Variants in PLCZ1 observed in about 807,000 individuals in gnomAD.
PLCZ1 encodes phospholipase C zeta 1, also known as 1-phosphatidylinositol 4,5-bisphosphate phosphodiesterase zeta-1.
In PLCZ1, 64 loss-of-function variants were observed where a neutral mutation model predicts 76.8. That is an observed-to-expected ratio of 0.83 (90% CI 0.68 to 1.03). The LOEUF is 1.03. Among genes scored for constraint, PLCZ1 ranks in the 50% least tolerant of loss-of-function variants. The pLI, the probability that PLCZ1 is intolerant of heterozygous loss-of-function variation, is 0.00. For synonymous variants in PLCZ1, 248 were observed against 230.8 expected, an observed-to-expected ratio of 1.07 and a Z score of -0.68; for missense variants, 751 against 713.7, an observed-to-expected ratio of 1.05 and a Z score of -0.60.
intron 3 of PLCZ1, among the ~76,000 whole-genome samples, chr12:18,724,559 G>A (rs1292432681): frequency 6.6e-6 from 1 of 152,000 alleles, no homozygotes; most frequent in Non-Finnish European, 1.5e-5. Context: ...TGGGATCTGT[G>A]GTTGTCAAAT....
At chr12:18,650,340 T>TAC in the PLCZ1 span, among the ~76,000 whole-genome samples, 11 of 132,948 alleles carry the variant, frequency 8.3e-5, no homozygotes, top group Middle Eastern at 3.7e-3. Flanking sequence ...TCTATATATA[T>TAC]ATATATATGT....
the PLCZ1 span, among the ~76,000 whole-genome samples, chr12:18,672,772 G>A: frequency 6.6e-5 from 10 of 152,212 alleles, no homozygotes; most frequent in South Asian, 2.1e-3. Context: ...TCAACCTCCT[G>A]GTAGGCTGCT....
At chr12:18,705,437 A>T in intron 6 of PLCZ1, 122 bp from the exon 7 acceptor site, 1 of 1,258,628 alleles carries the variant, frequency 7.9e-7, no homozygotes, top group Non-Finnish European at 1.1e-6. Context: ...TTGCAAAATA[A>T]CTATTCTTTA....
At chr12:18,718,960 T>C (rs939695529) in intron 5 of PLCZ1, among the ~76,000 whole-genome samples, 2 of 152,190 alleles carry the variant, frequency 1.3e-5, no homozygotes, top group Non-Finnish European at 2.9e-5. Context: ...CTCTTTAACA[T>C]ACAAGTCTAT....
At chr12:18,706,087 G>T (rs1956575932) in intron 6 of PLCZ1, among the ~76,000 whole-genome samples, 1 of 151,878 alleles carries the variant, frequency 6.6e-6, no homozygotes, top group African/African-American at 2.4e-5. Context: ...AAGAAAATTA[G>T]CTAGGCGTGG....
In PLCZ1 at chr12:18,701,672, T is replaced by C. The variant is rs776116579; in HGVS notation, c.949+20A>G. The C allele has an allele frequency of 6.2e-7, 1 of 1,606,884 alleles. No homozygotes were observed. The highest frequency in any genetic ancestry group is 2.3e-5 in the East Asian group (1 of 44,246). ...CCTCCTCTCCATCTGCCACTTCTTC[T>C]TCCCATTCCTCCACCTTACCACGCT... On this transcript the variant is annotated intron_variant, in intron 8 of 14. Coordinates refer to ENST00000266505, the MANE Select transcript of PLCZ1 (RefSeq NM_033123.4).
At chr12:18,684,484 A>G (rs1398982879) in intron 13 of PLCZ1, among the ~76,000 whole-genome samples, 1 of 152,042 alleles carries the variant, frequency 6.6e-6, no homozygotes, top group Non-Finnish European at 1.5e-5. Flanking sequence ...GCAATGTTCT[A>G]AGAATGGATC....
chr12:18,654,729 A>T, the PLCZ1 span, among the ~76,000 whole-genome samples: 9 of 152,214 alleles, frequency 5.9e-5, no homozygotes, highest in Non-Finnish European at 8.8e-5. Context: ...TGATAAGATT[A>T]TCTTTTACAT....
At chr12:18,717,139 G>C in intron 5 of PLCZ1, among the ~76,000 whole-genome samples, 1 of 152,070 alleles carries the variant, frequency 6.6e-6, no homozygotes, top group East Asian at 1.9e-4. Context: ...TTAAATTTAA[G>C]TGTAAATTTG....
intron 3 of PLCZ1, among the ~76,000 whole-genome samples, chr12:18,727,332 A>C (rs572767196): frequency 6.6e-6 from 1 of 152,298 alleles, no homozygotes; most frequent in African/African-American, 2.4e-5. Flanking sequence ...TGGGTGACAG[A>C]GCAAGACCTT....
chr12:18,737,249 T>G lies in PLCZ1; in HGVS notation c.11+112A>C, dbSNP rs562038062. 7 of 1,188,122 alleles carry G rather than the reference T, an allele frequency of 5.9e-6. No individual in the cohort carries two copies. In the East Asian group the frequency reaches 1.4e-4, roughly 24 times the overall value. 73.6% of individuals were successfully genotyped at this position (1,188,122 alleles called of 1,614,324 possible). On this transcript the variant is annotated intron_variant, in intron 2 of 14. Coordinates refer to ENST00000266505, the MANE Select transcript of PLCZ1 (RefSeq NM_033123.4). ...AACAAACAGGGAAAAGCAGTTCAAC[T>G]TAAATGAAGAGGACTTAAATTCAGA...
In PLCZ1 at chr12:18,684,167, AAGAAATTCATTTCCTG is replaced by A; in HGVS notation, c.1688_1703del (p.Ala563ValfsTer11). 6.2e-7 allele frequency: 1 copy of A among 1,612,162 alleles called. No homozygotes were observed. Among genetic ancestry groups the A allele is most frequent in the South Asian group, 1.1e-5 (1 of 91,056 alleles). ...ATAGAAGTGGCAAAGTATATTGCCC[AAGAAATTCATTTCCTG>A]CTATTAAACCTTGACCTTCAACAAC... is the stretch of plus-strand genomic sequence containing the variant. On this transcript the variant is annotated frameshift_variant, in exon 14 of 15. Coordinates refer to ENST00000266505, the MANE Select transcript of PLCZ1 (RefSeq NM_033123.4). LOFTEE classifies it high-confidence loss of function.
intron 3 of PLCZ1, among the ~76,000 whole-genome samples, chr12:18,732,397 C>T (rs1195482797): frequency 1.3e-5 from 2 of 152,132 alleles, no homozygotes; most frequent in African/African-American, 4.8e-5. Flanking sequence ...GGCGATCTGC[C>T]CAACTCAGCT....
chr12:18,737,613 C>T, intron 1 of PLCZ1, 104 bp from the exon 2 acceptor site: 3 of 617,530 alleles, frequency 4.9e-6, no homozygotes, highest in Non-Finnish European at 5.8e-6. Context: ...GGTACCTGCA[C>T]TACCCTGCCC....
At chr12:18,726,142 C>T (rs1418948355) in intron 3 of PLCZ1, among the ~76,000 whole-genome samples, 1 of 152,032 alleles carries the variant, frequency 6.6e-6, no homozygotes, top group Non-Finnish European at 1.5e-5. Context: ...ACAATAATTA[C>T]ATAAAGGAAT....
chr12:18,693,730 A>T, intron 12 of PLCZ1: 1 of 1,541,290 alleles, frequency 6.5e-7, no homozygotes, highest in Non-Finnish European at 9.0e-7. Context: ...AGTTGGATGG[A>T]TTTGATTCTA....
rs1190644019 is a variant in PLCZ1 at position 18,684,271 on chromosome 12, G to T, written c.1600C>A (p.Pro534Thr). 6.2e-7 allele frequency: 1 copy of T among 1,605,548 alleles called. No homozygotes were observed. The highest frequency in any genetic ancestry group is 8.5e-7 in the Non-Finnish European group (1 of 1,173,822). The change falls in exon 14 of 15, where the codon CCA becomes ACA. Residue 534 changes from proline (P) to threonine (T), a missense_variant. Coordinates refer to ENST00000266505, the MANE Select transcript of PLCZ1 (RefSeq NM_033123.4). ...TRVIKKNAFSPRWNETFTFII... is the reference protein window; with the variant it reads ...TRVIKKNAFSTRWNETFTFII... ...AATGTGAATGTTTCATTCCATCTTG[G>T]ACTAAAAGCTGAAATATAAAAAAAG...
At position 18,700,005 on chromosome 12, in the gene PLCZ1, A is replaced by T. The variant is rs116174833; in HGVS notation, c.1018-55T>A. On this transcript the variant is annotated intron_variant, in intron 9 of 14. Transcript: ENST00000266505. ...TTTATGCTAATCATTGGGAAAAAAA[A>T]TTTTTTCTAGTAAAGAAAATACACT... 1.9e-3 allele frequency: 2,907 copies of T among 1,496,742 alleles called. 51 individuals carry two copies. In the African/African-American group the frequency reaches 0.034, roughly 18 times the overall value. 92.7% of individuals were successfully genotyped at this position (1,496,742 alleles called of 1,614,324 possible). A position where few individuals can be genotyped will look rare whatever the true frequency, so the allele number is the denominator to read the frequency against.
chr12:18,719,347 GTGCACTCT>G, intron 5 of PLCZ1, 76 bp downstream of exon 5: 1 of 720,276 alleles, frequency 1.4e-6, no homozygotes, highest in Non-Finnish European at 2.1e-6. Flanking sequence ...TCTTTTTATT[GTGCACTCT>G]TGCCTACTGA....
Sources: gnomAD v4.1 joint callset for allele counts (sites outside exome capture counted in the v4.1 genomes callset) on GRCh38, gnomAD v4.1.1 for gene constraint, MANE v1.5 for transcripts, NCBI Gene and HGNC (gene_info 2026-07-23, HGNC 2026-07-21) for gene names.